NECTIN3: variants seen among roughly 807,000 people sequenced by gnomAD.
NECTIN3 encodes nectin cell adhesion molecule 3.
A neutral mutation model predicts 49.4 loss-of-function variants in NECTIN3; 8 were observed. The observed-to-expected ratio is 0.16, with a 90% confidence interval of 0.10 to 0.29. The LOEUF (loss-of-function observed/expected upper bound fraction) is 0.29. Ranked by LOEUF, NECTIN3 falls within the 10% of genes least tolerant of loss-of-function variation. NECTIN3 has a pLI of 1.00. For missense variants in NECTIN3, 581 were observed against 654.6 expected (o/e 0.89, Z 1.23); for synonymous variants, 277 against 241.1 (o/e 1.15, Z -1.38).
chr3:111,105,753 G>T (rs2033152684), intron 1 of NECTIN3, among the ~76,000 whole-genome samples: 1 of 152,142 alleles, frequency 6.6e-6, no homozygotes, highest in Non-Finnish European at 1.5e-5. Flanking sequence ...AGACTGCCTA[G>T]CTCTATTTAG....
intron 7 of NECTIN3, among the ~76,000 whole-genome samples, chr3:111,174,388 A>G (rs115093097): frequency 1.4e-4 from 21 of 152,090 alleles, no homozygotes; most frequent in African/African-American, 2.9e-4. Flanking sequence ...TGAACGTTCA[A>G]TTTTCCACTG....
At chr3:111,106,408 G>A (rs2033184159) in intron 1 of NECTIN3, among the ~76,000 whole-genome samples, 1 of 152,038 alleles carries the variant, frequency 6.6e-6, no homozygotes, top group Non-Finnish European at 1.5e-5. Flanking sequence ...ATGAGATGAA[G>A]TTAGAGATTC....
chr3:111,126,641 A>G (rs951202496), intron 5 of NECTIN3, among the ~76,000 whole-genome samples: 2 of 152,146 alleles, frequency 1.3e-5, no homozygotes, highest in East Asian at 3.8e-4. Context: ...ATGACTTTCT[A>G]GATTCTTTTA....
intron 1 of NECTIN3, among the ~76,000 whole-genome samples, chr3:111,096,925 A>G (rs531234412): frequency 1.3e-5 from 2 of 152,248 alleles, no homozygotes; most frequent in South Asian, 4.2e-4. Context: ...GTGGGGTGGG[A>G]TCTACCCCAC....
chr3:111,077,436 A>G (rs1336418941), intron 1 of NECTIN3, among the ~76,000 whole-genome samples: 1 of 149,730 alleles, frequency 6.7e-6, no homozygotes, highest in Non-Finnish European at 1.5e-5. Flanking sequence ...CCTAGGTTTT[A>G]TCACAAGAAA....
chr3:111,136,520 C>T lies in NECTIN3; in HGVS notation c.*2305C>T, dbSNP rs937535032. On this transcript the variant is annotated 3_prime_UTR_variant, in exon 6 of 6. Coordinates refer to ENST00000485303, the MANE Select transcript of NECTIN3 (RefSeq NM_015480.3). ...GCTTAAGACTTTGGGAAGCATTGCA[C>T]TGTTGTTTATTAGAACTTTATGTAT... The T allele has an allele frequency of 2.0e-6, 2 of 977,858 alleles. No homozygotes were observed. The highest frequency in any genetic ancestry group is 2.4e-6 in the Non-Finnish European group (2 of 823,312). 60.6% of individuals were successfully genotyped at this position (977,858 alleles called of 1,614,324 possible).
intron 7 of NECTIN3, chr3:111,147,609 C>A: frequency 1.2e-6 from 1 of 821,710 alleles, no homozygotes; most frequent in Non-Finnish European, 1.9e-6. Flanking sequence ...AGTCATTATG[C>A]ATTAAATGTT....
intron 1 of NECTIN3, chr3:111,193,250 G>A: frequency 6.5e-7 from 1 of 1,535,774 alleles, no homozygotes; most frequent in Non-Finnish European, 8.7e-7. Context: ...ATCCAGTTGG[G>A]GAAGATGGCA....
exon 6 of NECTIN3, chr3:111,144,931 G>A (rs1430370685): frequency 6.5e-7 from 1 of 1,536,170 alleles, no homozygotes; most frequent in East Asian, 2.4e-5. Flanking sequence ...TTCCATAGCT[G>A]TAGCTGGAGC....
At chr3:111,097,153 G>A (rs1032194723) in intron 1 of NECTIN3, among the ~76,000 whole-genome samples, 51 of 152,312 alleles carry the variant, frequency 3.3e-4, no homozygotes, top group African/African-American at 9.6e-4. Context: ...TTGTATCAGC[G>A]TGACCTGGAT....
intron 4 of NECTIN3, among the ~76,000 whole-genome samples, chr3:111,125,808 A>G (rs2034141970): frequency 6.6e-6 from 1 of 152,190 alleles, no homozygotes; most frequent in Non-Finnish European, 1.5e-5. Flanking sequence ...TCATGAATGG[A>G]TCTCTGATTC....
chr3:111,145,088 A>C, intron 6 of NECTIN3: 1 of 1,484,596 alleles, frequency 6.7e-7, no homozygotes, highest in Non-Finnish European at 9.1e-7. Context: ...TATGTGTCCA[A>C]TCTTTATGTT....
At chr3:111,179,162 A>T (rs537500305) in intron 7 of NECTIN3, among the ~76,000 whole-genome samples, 1 of 152,278 alleles carries the variant, frequency 6.6e-6, no homozygotes, top group Admixed American at 6.5e-5. Context: ...GCCAACTTTC[A>T]TGTTCTCTTG....
upstream of NECTIN3, among the ~76,000 whole-genome samples, chr3:111,188,714 C>A (rs1355565775): frequency 2.6e-5 from 4 of 152,190 alleles, no homozygotes; most frequent in Non-Finnish European, 5.9e-5. Flanking sequence ...TATATTGTTA[C>A]TTATGACACT....
At chr3:111,086,085 A>G (rs929450773) in intron 1 of NECTIN3, among the ~76,000 whole-genome samples, 44 of 152,078 alleles carry the variant, frequency 2.9e-4, no homozygotes, top group Non-Finnish European at 2.9e-4. Context: ...GGCCATTTGA[A>G]TATCCTCTTT....
intron 7 of NECTIN3, among the ~76,000 whole-genome samples, chr3:111,156,096 T>C (rs1188382779): frequency 2.6e-5 from 4 of 152,202 alleles, no homozygotes; most frequent in Non-Finnish European, 4.4e-5. Flanking sequence ...CATGGTGTTA[T>C]ATTAACTCCT....
chr3:111,100,429 T>C (rs1326794989), intron 1 of NECTIN3, among the ~76,000 whole-genome samples: 1 of 152,146 alleles, frequency 6.6e-6, no homozygotes, highest in African/African-American at 2.4e-5. Context: ...TAAAAAATAC[T>C]GTGTAAAATT....
chr3:111,126,933 A>T (rs1230211411), intron 5 of NECTIN3, among the ~76,000 whole-genome samples: 1 of 152,104 alleles, frequency 6.6e-6, no homozygotes, highest in Admixed American at 6.5e-5. Flanking sequence ...TATTTTTGTT[A>T]ATTTGGCTGA....
At chr3:111,161,038 G>C (rs1051417527) in intron 7 of NECTIN3, among the ~76,000 whole-genome samples, 5 of 152,308 alleles carry the variant, frequency 3.3e-5, no homozygotes, top group East Asian at 1.9e-4. Context: ...GGGAAGATAA[G>C]TTTTGGAAAC....
Sources: gnomAD v4.1 joint callset for allele counts (sites outside exome capture counted in the v4.1 genomes callset) on GRCh38, gnomAD v4.1.1 for gene constraint, MANE v1.5 for transcripts, NCBI Gene and HGNC (gene_info 2026-07-23, HGNC 2026-07-21) for gene names.